The following ADORA2B variants were observed in gnomAD, a reference collection of about 807,000 sequenced individuals.
ADORA2B encodes adenosine A2b receptor.
In ADORA2B, 18 loss-of-function variants were observed where a neutral mutation model predicts 20.8. That is an observed-to-expected ratio of 0.87 (90% CI 0.60 to 1.29). The LOEUF (loss-of-function observed/expected upper bound fraction) is 1.29, where lower values mean the gene tolerates loss of function less well. ADORA2B is among the 50% of genes most tolerant of loss of function. The pLI is 0.00. For synonymous variants in ADORA2B, 179 were observed against 178.3 expected, an observed-to-expected ratio of 1.00 and a Z score of -0.03; for missense variants, 441 against 422.7, an observed-to-expected ratio of 1.04 and a Z score of -0.38.
the ADORA2B span, among the ~76,000 whole-genome samples, chr17:15,900,852 C>T: frequency 6.6e-6 from 1 of 152,194 alleles, no homozygotes; most frequent in African/African-American, 2.4e-5. Flanking sequence ...TCCTCCTCGG[C>T]CACCATGTAA....
At chr17:15,916,215 G>C in the ADORA2B span, among the ~76,000 whole-genome samples, 1 of 152,174 alleles carries the variant, frequency 6.6e-6, no homozygotes, top group Non-Finnish European at 1.5e-5. Flanking sequence ...TATGTGTCCT[G>C]GGATGGGAAT....
chr17:15,955,672 T>G (rs1449421029), intron 1 of ADORA2B, among the ~76,000 whole-genome samples: 1 of 151,722 alleles, frequency 6.6e-6, no homozygotes, highest in Non-Finnish European at 1.5e-5. Flanking sequence ...CCTCCCAAAG[T>G]TGTGGGACCA....
Position 15,974,855 on chromosome 17 carries a change from G to C in ADORA2B, c.512G>C (p.Cys171Ser), listed in dbSNP as rs531627493. ...TTNESCCLVK[C>S]LFENVVPMSY... ...AATGAAAGCTGCTGCCTTGTGAAGT[G>C]TCTCTTTGAGAATGTGGTCCCCATG... Residue 171 changes from cysteine to serine, a missense_variant, in exon 2 of 2, where the codon TGT (cysteine) becomes TCT (serine). Coordinates refer to ENST00000304222, the MANE Select transcript of ADORA2B (RefSeq NM_000676.4). The C allele has an allele frequency of 6.2e-7, 1 of 1,614,138 alleles. No individual in the cohort carries two copies. The highest frequency in any genetic ancestry group is 1.3e-5 in the African/African-American group (1 of 75,036).
chr17:15,933,827 C>G, the ADORA2B span, among the ~76,000 whole-genome samples: 32,254 of 151,652 alleles, frequency 0.21, 3,541 homozygotes, highest in African/African-American at 0.26. Context: ...AATCTGGATG[C>G]CTCTTATTTG....
At chr17:15,937,688 T>A in the ADORA2B span, among the ~76,000 whole-genome samples, 1 of 152,194 alleles carries the variant, frequency 6.6e-6, no homozygotes, top group Admixed American at 6.5e-5. Flanking sequence ...TTATTCTGCC[T>A]CAGCCTCCCA....
the ADORA2B span, among the ~76,000 whole-genome samples, chr17:15,910,708 G>C: frequency 6.6e-6 from 1 of 152,176 alleles, no homozygotes; most frequent in Admixed American, 6.5e-5. Context: ...CTTCCAGTGT[G>C]GCCCAGGGAA....
intron 1 of ADORA2B, among the ~76,000 whole-genome samples, chr17:15,959,419 T>C (rs750753556): frequency 2.0e-5 from 3 of 152,096 alleles, no homozygotes; most frequent in Non-Finnish European, 2.9e-5. Context: ...TTCACTTACA[T>C]TCACAAATTA....
the ADORA2B span, among the ~76,000 whole-genome samples, chr17:15,887,758 T>C: frequency 2.4e-5 from 3 of 124,522 alleles, 1 homozygote; most frequent in Non-Finnish European, 5.0e-5. Context: ...CCATCCTGGC[T>C]AACACGGTGA....
the ADORA2B span, among the ~76,000 whole-genome samples, chr17:15,903,909 A>G: frequency 1.3e-5 from 2 of 152,034 alleles, no homozygotes; most frequent in Non-Finnish European, 1.5e-5. Context: ...ACCTCTTTTC[A>G]TAGGTTTATT....
the ADORA2B span, among the ~76,000 whole-genome samples, chr17:15,931,248 C>T: frequency 4.6e-5 from 7 of 152,208 alleles, no homozygotes; most frequent in South Asian, 6.2e-4. Context: ...GAAATTTCCC[C>T]TTGGAGCTTA....
intron 1 of ADORA2B, among the ~76,000 whole-genome samples, chr17:15,953,792 G>A (rs528619424): frequency 2.0e-5 from 3 of 152,130 alleles, no homozygotes; most frequent in Non-Finnish European, 4.4e-5. Flanking sequence ...AAGGTAACTC[G>A]TGCTGCTGGA....
At chr17:15,964,996 C>A (rs1212001629) in intron 1 of ADORA2B, among the ~76,000 whole-genome samples, 1 of 151,960 alleles carries the variant, frequency 6.6e-6, no homozygotes, top group Non-Finnish European at 1.5e-5. Flanking sequence ...GGAGGCGGAG[C>A]TTGCAGTGAG....
the ADORA2B span, among the ~76,000 whole-genome samples, chr17:15,866,989 GT>G: frequency 2.0e-5 from 3 of 152,378 alleles, no homozygotes; most frequent in East Asian, 5.8e-4. Flanking sequence ...GTTTCGATGT[GT>G]TGGCCGGGCT....
chr17:15,901,026 C>T, the ADORA2B span, among the ~76,000 whole-genome samples: 28 of 152,252 alleles, frequency 1.8e-4, no homozygotes, highest in African/African-American at 6.0e-4. Flanking sequence ...GGTTGTTGCT[C>T]ACTGAGTGCC....
chr17:15,926,443 G>T, the ADORA2B span, among the ~76,000 whole-genome samples: 1 of 152,070 alleles, frequency 6.6e-6, no homozygotes, highest in Non-Finnish European at 1.5e-5. Context: ...CACGATATGA[G>T]CAGATACCTG....
chr17:15,888,397 G>C, the ADORA2B span, among the ~76,000 whole-genome samples: 1 of 128,358 alleles, frequency 7.8e-6, no homozygotes, highest in East Asian at 2.1e-4. Context: ...ACACACCCCA[G>C]GAGCCTCAGG....
At chr17:15,918,301 A>T in the ADORA2B span, among the ~76,000 whole-genome samples, 1 of 151,966 alleles carries the variant, frequency 6.6e-6, no homozygotes, top group African/African-American at 2.4e-5. Flanking sequence ...GCACACAAAC[A>T]TTCAGTGCAT....
At chr17:15,908,749 C>T in the ADORA2B span, 2 of 153,352 alleles carry the variant, frequency 1.3e-5, no homozygotes, top group Admixed American at 1.3e-4. Flanking sequence ...ACTTCAAAGG[C>T]AGGCTCAATC....
the ADORA2B span, among the ~76,000 whole-genome samples, chr17:15,888,846 ATATATTTTTTTTTT>A: frequency 2.5e-4 from 4 of 16,226 alleles, no homozygotes; most frequent in African/African-American, 2.1e-3. Context: ...ATATATATAT[ATATATTTTTTTTTT>A]TTTTTTTTTT....
Sources: allele counts gnomAD v4.1 joint callset (sites outside exome capture counted in the v4.1 genomes callset), GRCh38; gene constraint gnomAD v4.1.1; transcripts MANE v1.5; gene names NCBI Gene and HGNC (gene_info 2026-07-23, HGNC 2026-07-21).